Variants in SHROOM3 observed in about 807,000 individuals in gnomAD.
The protein encoded by SHROOM3 is shroom family member 3.
In SHROOM3, 47 loss-of-function variants were observed where a neutral mutation model predicts 138.6. The observed-to-expected ratio is 0.34, with a 90% CI of 0.27 to 0.43. SHROOM3 has a LOEUF of 0.43. SHROOM3 is among the 20% of genes least tolerant of loss of function. SHROOM3 has a pLI of 1.00. For synonymous variants in SHROOM3, 1,062 were observed against 1,063.3 expected (o/e 1.00, Z 0.02); for missense variants, 2,491 against 2,596.5 (o/e 0.96, Z 0.88).
Position 76,779,470 on chromosome 4 carries a change from T to A in SHROOM3, c.*293T>A, listed in dbSNP as rs1173351862. On this transcript the variant is annotated 3_prime_UTR_variant, in exon 11 of 11. Transcript: ENST00000296043. ...GGAGGGTGTTTGATCATTTAGTTTT[T>A]AACAGGCTGAGGCAACATGGATCAG... is the stretch of plus-strand genomic sequence containing the variant. 18 of 338,290 alleles carry A rather than the reference T, an allele frequency of 5.3e-5. No individual in the cohort carries two copies. Among genetic ancestry groups the A allele is most frequent in the Non-Finnish European group, 9.8e-5 (18 of 182,772 alleles). The allele number at this position is 338,290 out of a possible 1,614,324, so 21.0% of individuals were successfully genotyped here.
chr4:76,512,358 A>G (rs921487518), intron 1 of SHROOM3, among the ~76,000 whole-genome samples: 2 of 152,158 alleles, frequency 1.3e-5, no homozygotes, highest in Non-Finnish European at 1.5e-5. Flanking sequence ...GGTTATAAAC[A>G]GAGCCTTTTT....
intron 1 of SHROOM3, among the ~76,000 whole-genome samples, chr4:76,462,756 C>T (rs1243491738): frequency 2.0e-5 from 3 of 151,176 alleles, no homozygotes; most frequent in Admixed American, 6.6e-5. Context: ...CTCCCTCTCC[C>T]TCTCCCTCTC....
intron 2 of SHROOM3, among the ~76,000 whole-genome samples, chr4:76,603,144 C>A (rs1181394712): frequency 6.6e-6 from 1 of 152,088 alleles, no homozygotes; most frequent in Non-Finnish European, 1.5e-5. Context: ...CTTGGCTGGG[C>A]GTGGTGGCTC....
At chr4:76,688,873 A>G in intron 2 of SHROOM3, 11 of 985,112 alleles carry the variant, frequency 1.1e-5, no homozygotes, top group Non-Finnish European at 1.3e-5. Context: ...CTTCAGCGGC[A>G]TTCACCACCA....
intron 2 of SHROOM3, among the ~76,000 whole-genome samples, chr4:76,672,753 T>C (rs1222301441): frequency 2.0e-5 from 3 of 152,184 alleles, no homozygotes; most frequent in Non-Finnish European, 4.4e-5. Context: ...TTTGTATTTT[T>C]AGTAAAGACA....
intron 2 of SHROOM3, among the ~76,000 whole-genome samples, chr4:76,571,508 T>A (rs150133754): frequency 2.0e-5 from 3 of 152,192 alleles, no homozygotes; most frequent in Non-Finnish European, 4.4e-5. Flanking sequence ...TCTCACTCAT[T>A]TGACATTAGC....
chr4:76,744,555 T>C (rs774752017), intron 5 of SHROOM3, among the ~76,000 whole-genome samples: 1 of 152,218 alleles, frequency 6.6e-6, no homozygotes, highest in Non-Finnish European at 1.5e-5. Context: ...ACAAAGTTAC[T>C]CTCACCACAT....
intron 2 of SHROOM3, among the ~76,000 whole-genome samples, chr4:76,679,681 A>T (rs1197485508): frequency 1.3e-5 from 2 of 152,202 alleles, no homozygotes; most frequent in Non-Finnish European, 2.9e-5. Flanking sequence ...TCTCAACAGA[A>T]AATAATATTC....
At chr4:76,501,705 G>A (rs1409468059) in intron 1 of SHROOM3, among the ~76,000 whole-genome samples, 10 of 152,228 alleles carry the variant, frequency 6.6e-5, no homozygotes, top group East Asian at 1.9e-4. Flanking sequence ...TCATGTCTAC[G>A]TGATAAAGCC....
At chr4:76,671,716 G>A (rs1023569428) in intron 2 of SHROOM3, among the ~76,000 whole-genome samples, 2 of 152,162 alleles carry the variant, frequency 1.3e-5, no homozygotes, top group Non-Finnish European at 2.9e-5. Flanking sequence ...AATAAAACAC[G>A]TTAGGTGAAT....
intron 1 of SHROOM3, among the ~76,000 whole-genome samples, chr4:76,530,032 C>T (rs1419076145): frequency 1.3e-5 from 2 of 152,182 alleles, no homozygotes; most frequent in East Asian, 3.8e-4. Flanking sequence ...ACACTGGGCA[C>T]AATTTGTGCT....
At chr4:76,703,374 A>G (rs1299392981) in intron 2 of SHROOM3, among the ~76,000 whole-genome samples, 1 of 152,192 alleles carries the variant, frequency 6.6e-6, no homozygotes, top group Non-Finnish European at 1.5e-5. Flanking sequence ...TTAAATGTGT[A>G]AGTTACAAAA....
intron 2 of SHROOM3, among the ~76,000 whole-genome samples, chr4:76,605,466 C>T (rs990530965): frequency 1.3e-5 from 2 of 152,162 alleles, no homozygotes; most frequent in African/African-American, 4.8e-5. Flanking sequence ...CAACACATCC[C>T]ATTTTGTATC....
At chr4:76,655,441 A>G (rs1736044766) in intron 2 of SHROOM3, among the ~76,000 whole-genome samples, 1 of 152,228 alleles carries the variant, frequency 6.6e-6, no homozygotes, top group Non-Finnish European at 1.5e-5. Flanking sequence ...TGTCATTTCT[A>G]TCCAAAAATA....
chr4:76,589,998 C>T lies in SHROOM3; in HGVS notation c.323+34235C>T, dbSNP rs146024257. Among the ~76,000 whole-genome samples, 24 of 152,326 alleles carry T rather than the reference C, an allele frequency of 1.6e-4. 1 individual carries two copies. The East Asian group carries it at 2.7e-3, about 17-fold the overall frequency. On this transcript the variant is annotated intron_variant, in intron 2 of 10. Transcript: ENST00000296043. ...AGAACCTCAAATACCATGCGGTTCT[C>T]CTTCCCTTTTTGTCTTTCTGTCAAA...
At chr4:76,632,008 A>G (rs989399369) in intron 2 of SHROOM3, among the ~76,000 whole-genome samples, 5 of 152,294 alleles carry the variant, frequency 3.3e-5, no homozygotes, top group Middle Eastern at 6.8e-3. Flanking sequence ...TGGAGGAGAC[A>G]CTGGGTTTTA....
intron 2 of SHROOM3, among the ~76,000 whole-genome samples, chr4:76,662,685 C>T (rs940261691): frequency 2.6e-5 from 4 of 152,198 alleles, no homozygotes; most frequent in Non-Finnish European, 5.9e-5. Flanking sequence ...TTTCATTATC[C>T]AGTTGCTTAA....
chr4:76,734,580 G>A (rs1720976124), intron 4 of SHROOM3, among the ~76,000 whole-genome samples: 2 of 149,976 alleles, frequency 1.3e-5, no homozygotes. Flanking sequence ...ATGCGATCAA[G>A]GCTAACTCCA....
chr4:76,521,417 G>A (rs955315725), intron 1 of SHROOM3, among the ~76,000 whole-genome samples: 3 of 152,164 alleles, frequency 2.0e-5, no homozygotes, highest in African/African-American at 7.2e-5. Context: ...CTAAATTGCT[G>A]GGACCTAAAT....
Sources: gnomAD v4.1 joint callset for allele counts (sites outside exome capture counted in the v4.1 genomes callset) on GRCh38, gnomAD v4.1.1 for gene constraint, MANE v1.5 for transcripts, NCBI Gene and HGNC (gene_info 2026-07-23, HGNC 2026-07-21) for gene names.